The following PDE10A variants were observed in gnomAD, a reference collection of about 807,000 sequenced individuals.
PDE10A encodes the protein phosphodiesterase 10A, also known as cAMP and cAMP-inhibited cGMP 3',5'-cyclic phosphodiesterase 10A.
In PDE10A, 39 loss-of-function variants were observed where a neutral mutation model predicts 97.7. The ratio of observed to expected loss-of-function variants is 0.40; its 90% CI spans 0.31 to 0.52. The LOEUF (loss-of-function observed/expected upper bound fraction) is 0.52, where lower values mean the gene tolerates loss of function less well. Ranked by LOEUF, PDE10A falls within the 20% of genes least tolerant of loss-of-function variation. PDE10A has a pLI of 0.56. For missense variants in PDE10A, 731 were observed against 1,047.8 expected (o/e 0.70, Z 4.17); for synonymous variants, 371 against 376.8 (o/e 0.98, Z 0.18).
At chr6:165,533,506 T>TA (rs1254788310) in intron 2 of PDE10A, among the ~76,000 whole-genome samples, 1 of 152,154 alleles carries the variant, frequency 6.6e-6, no homozygotes, top group Admixed American at 6.5e-5. Context: ...ATTACAGTCT[T>TA]ATGGGACCAC....
intron 1 of PDE10A, among the ~76,000 whole-genome samples, chr6:165,832,310 C>T (rs1221519622): frequency 6.6e-6 from 1 of 151,970 alleles, no homozygotes; most frequent in African/African-American, 2.4e-5. Flanking sequence ...CAGCCGCTCT[C>T]ATTCAACCGC....
intron 1 of PDE10A, among the ~76,000 whole-genome samples, chr6:165,681,147 T>G (rs527784144): frequency 3.9e-5 from 6 of 152,310 alleles, no homozygotes; most frequent in Non-Finnish European, 8.8e-5. Context: ...CGCCTGTGTT[T>G]ACAGAGCGCT....
At chr6:165,898,606 T>A (rs1362436250) in intron 1 of PDE10A, among the ~76,000 whole-genome samples, 1 of 152,056 alleles carries the variant, frequency 6.6e-6, no homozygotes, top group Non-Finnish European at 1.5e-5. Context: ...GTCCCTTACA[T>A]CCTGGGAATC....
chr6:165,770,515 A>C (rs1210300014), intron 1 of PDE10A, among the ~76,000 whole-genome samples: 1 of 152,152 alleles, frequency 6.6e-6, no homozygotes, highest in Non-Finnish European at 1.5e-5. Context: ...TTATTCAAGA[A>C]GTGATGTAAG....
chr6:165,761,875 C>A (rs147796662), intron 1 of PDE10A, among the ~76,000 whole-genome samples: 22 of 152,272 alleles, frequency 1.4e-4, no homozygotes, highest in African/African-American at 4.1e-4. Context: ...ATGTAACTAG[C>A]AAATGATATT....
At chr6:165,958,717 A>AG (rs1554231062) in intron 1 of PDE10A, among the ~76,000 whole-genome samples, 2 of 11,506 alleles carry the variant, frequency 1.7e-4, no homozygotes, top group African/African-American at 1.5e-3. Flanking sequence ...AGAAAGAGAG[A>AG]AGAAAGAAAG....
intron 3 of PDE10A, among the ~76,000 whole-genome samples, chr6:165,453,575 C>T (rs1201785312): frequency 1.3e-5 from 2 of 152,220 alleles, no homozygotes; most frequent in African/African-American, 2.4e-5. Flanking sequence ...CCCTGCATTC[C>T]TTCACAATGT....
chr6:165,651,432 G>A (rs1053343733), intron 1 of PDE10A, among the ~76,000 whole-genome samples: 1 of 152,256 alleles, frequency 6.6e-6, no homozygotes, highest in South Asian at 2.1e-4. Flanking sequence ...TGTGATAGGA[G>A]CTTTAAGTGT....
intron 1 of PDE10A, among the ~76,000 whole-genome samples, chr6:165,703,189 T>C (rs916731081): frequency 3.3e-5 from 5 of 152,186 alleles, no homozygotes; most frequent in African/African-American, 9.6e-5. Context: ...ACAACTTTGT[T>C]TGTCTATTAG....
At chr6:165,839,798 C>CT (rs1583172807) in intron 1 of PDE10A, among the ~76,000 whole-genome samples, 2 of 41,266 alleles carry the variant, frequency 4.8e-5, no homozygotes, top group Admixed American at 4.5e-4. Flanking sequence ...CCATCCCCAT[C>CT]CCCTTCTCCA....
chr6:165,410,885 G>C (rs1412142431), intron 13 of PDE10A, among the ~76,000 whole-genome samples: 4 of 137,820 alleles, frequency 2.9e-5, no homozygotes, highest in Non-Finnish European at 6.2e-5. Context: ...TCAGGAGATC[G>C]AGACCATCCT....
chr6:165,565,631 G>T (rs1162997340), intron 1 of PDE10A, among the ~76,000 whole-genome samples: 1 of 152,116 alleles, frequency 6.6e-6, no homozygotes, highest in African/African-American at 2.4e-5. Context: ...GCACAATATT[G>T]TAAGAGAACA....
At chr6:165,861,357 C>T (rs978400036) in intron 1 of PDE10A, among the ~76,000 whole-genome samples, 44 of 151,564 alleles carry the variant, frequency 2.9e-4, no homozygotes, top group African/African-American at 9.5e-4. Flanking sequence ...AGACAATGAG[C>T]AGATAGTAAA....
chr6:165,953,736 C>T (rs1301761270), intron 1 of PDE10A, among the ~76,000 whole-genome samples: 1 of 152,206 alleles, frequency 6.6e-6, no homozygotes, highest in East Asian at 1.9e-4. Context: ...AAGTGATGCA[C>T]CAATACTGAC....
intron 2 of PDE10A, among the ~76,000 whole-genome samples, chr6:165,536,809 G>T (rs1157107972): frequency 6.6e-6 from 1 of 151,868 alleles, no homozygotes; most frequent in Non-Finnish European, 1.5e-5. Context: ...AACAACAAAT[G>T]CTGGCGAAGA....
At chr6:165,885,683 G>T (rs1262529611) in intron 1 of PDE10A, among the ~76,000 whole-genome samples, 1 of 152,222 alleles carries the variant, frequency 6.6e-6, no homozygotes, top group African/African-American at 2.4e-5. Flanking sequence ...AGGCCTGGTT[G>T]TCTAAAGCTC....
At chr6:165,430,122 A>G (rs1789447667) in intron 9 of PDE10A, among the ~76,000 whole-genome samples, 165 bp downstream of exon 9, 1 of 152,106 alleles carries the variant, frequency 6.6e-6, no homozygotes, top group Admixed American at 6.5e-5. Flanking sequence ...GTGAATGAGA[A>G]TATAACTCTA....
chr6:165,575,911 A>T (rs1413802165), intron 1 of PDE10A, among the ~76,000 whole-genome samples: 1 of 151,992 alleles, frequency 6.6e-6, no homozygotes, highest in African/African-American at 2.4e-5. Context: ...GGTTAAAATC[A>T]TTTTTTGGTT....
At chr6:165,947,647 A>G (rs1191445515) in intron 1 of PDE10A, among the ~76,000 whole-genome samples, 3 of 152,114 alleles carry the variant, frequency 2.0e-5, no homozygotes, top group Non-Finnish European at 4.4e-5. Context: ...GCATAAACGT[A>G]TTTTCCTAGC....
Sources: allele counts gnomAD v4.1 joint callset (sites outside exome capture counted in the v4.1 genomes callset), GRCh38; gene constraint gnomAD v4.1.1; transcripts MANE v1.5; gene names NCBI Gene and HGNC (gene_info 2026-07-23, HGNC 2026-07-21).